RABGAP1L: variants seen among roughly 807,000 people sequenced by gnomAD.
RABGAP1L encodes RAB GTPase activating protein 1 like, also known as rab GTPase-activating protein 1-like.
A neutral mutation model predicts 137.7 loss-of-function variants in RABGAP1L; 63 were observed. That is an observed-to-expected ratio of 0.46 (90% CI 0.37 to 0.56). The LOEUF (loss-of-function observed/expected upper bound fraction) is 0.56. Ranked by LOEUF, RABGAP1L falls within the 20% of genes least tolerant of loss-of-function variation. RABGAP1L has a pLI of 0.00. For synonymous variants in RABGAP1L, 431 were observed against 433.7 expected, an observed-to-expected ratio of 0.99 and a Z score of 0.08; for missense variants, 1,095 against 1,244.0, an observed-to-expected ratio of 0.88 and a Z score of 1.80.
At chr1:174,881,757 C>A (rs1232666910) in intron 19 of RABGAP1L, among the ~76,000 whole-genome samples, 1 of 151,996 alleles carries the variant, frequency 6.6e-6, no homozygotes, top group African/African-American at 2.4e-5. Flanking sequence ...GCCTCAGCCC[C>A]CCAAAGTGCT....
chr1:174,241,988 A>G (rs1671869072), intron 5 of RABGAP1L, among the ~76,000 whole-genome samples: 1 of 152,192 alleles, frequency 6.6e-6, no homozygotes, highest in Non-Finnish European at 1.5e-5. Context: ...AGATTGGTCC[A>G]TGTGATTTTA....
At chr1:174,969,924 G>A (rs1475565997) in intron 21 of RABGAP1L, among the ~76,000 whole-genome samples, 1 of 152,130 alleles carries the variant, frequency 6.6e-6, no homozygotes, top group African/African-American at 2.4e-5. Flanking sequence ...GGTATAAAAA[G>A]GTGTCTATCT....
Position 174,230,613 on chromosome 1 carries a change from C to CTG in RABGAP1L, c.332-529_332-528dup, listed in dbSNP as rs1286098520. On this transcript the variant is annotated intron_variant, in intron 3 of 25. Transcript: ENST00000681986. ...CACACGGAAATTCCTTGTGAGTAAT[C>CTG]TGTGAGGGAAGCCATCTGGGGAGAT... is the stretch of plus-strand genomic sequence containing the variant. Among the ~76,000 whole-genome samples the CTG allele has an allele frequency of 4.6e-5, 7 of 152,206 alleles. No homozygotes were observed. In the East Asian group the frequency reaches 1.4e-3, roughly 29 times the overall value.
chr1:174,175,982 C>T (rs1269077896), intron 1 of RABGAP1L, among the ~76,000 whole-genome samples: 1 of 152,076 alleles, frequency 6.6e-6, no homozygotes, highest in African/African-American at 2.4e-5. Context: ...GAGAAGACAG[C>T]ATTGTTTTAG....
At position 174,252,555 on chromosome 1, in the gene RABGAP1L, G is replaced by C. The variant is rs1672797176; in HGVS notation, c.951G>C (p.Val317=). ...TAGAGAAGAAGGTTGTGATTACAGTGCAGCAACTTTCTAACAAAGAATTAG... is the reference window on the plus strand; with the variant it reads ...TAGAGAAGAAGGTTGTGATTACAGTCCAGCAACTTTCTAACAAAGAATTAG... The part of the protein sequence containing the change: ...QGIEKKVVIT[V]QQLSNKELAI... Residue 317 remains valine, a synonymous_variant, in exon 7 of 26, where the codon GTG becomes GTC. Transcript: ENST00000681986. The C allele has an allele frequency of 1.2e-6, 2 of 1,610,028 alleles. No homozygotes were observed. Among genetic ancestry groups the C allele is most frequent in the Non-Finnish European group, 1.7e-6 (2 of 1,178,856 alleles).
chr1:174,260,735 A>G (rs1180462927), intron 7 of RABGAP1L, among the ~76,000 whole-genome samples: 1 of 152,206 alleles, frequency 6.6e-6, no homozygotes, highest in African/African-American at 2.4e-5. Context: ...AAGCCTTGAT[A>G]GTGTTTAAAA....
intron 13 of RABGAP1L, among the ~76,000 whole-genome samples, chr1:174,451,117 T>C (rs1655389341): frequency 6.6e-6 from 1 of 152,226 alleles, no homozygotes. Flanking sequence ...TGTTTTATAC[T>C]TCTGTAGCTT....
chr1:174,859,527 C>G (rs2149015193), intron 19 of RABGAP1L, among the ~76,000 whole-genome samples: 1 of 148,074 alleles, frequency 6.8e-6, no homozygotes, highest in South Asian at 2.2e-4. Context: ...GAATGCTATA[C>G]AGCCATAAAA....
intron 18 of RABGAP1L, among the ~76,000 whole-genome samples, chr1:174,774,738 G>A (rs941459761): frequency 6.6e-6 from 1 of 151,988 alleles, no homozygotes; most frequent in Non-Finnish European, 1.5e-5. Context: ...AAATTAGCCA[G>A]GCACGATGGC....
chr1:174,680,862 G>A (rs868358253), intron 14 of RABGAP1L, among the ~76,000 whole-genome samples: 1 of 152,092 alleles, frequency 6.6e-6, no homozygotes, highest in Non-Finnish European at 1.5e-5. Context: ...ACACCAGCCT[G>A]GGTGTCAGAG....
Position 174,250,640 on chromosome 1 carries a change from A to G in RABGAP1L, c.875+8A>G. On this transcript the variant is annotated splice_region_variant and intron_variant, in intron 6 of 25. Transcript: ENST00000681986. ...TGGAAAAGGAAACTTTAGGTGAGGCATTTGGAAAGATTAAAAATTCGCATT... is the reference window on the plus strand; with the variant it reads ...TGGAAAAGGAAACTTTAGGTGAGGCGTTTGGAAAGATTAAAAATTCGCATT... 6.2e-7 allele frequency: 1 copy of G among 1,609,266 alleles called. No individual in the cohort carries two copies. Among genetic ancestry groups the G allele is most frequent in the East Asian group, 2.2e-5 (1 of 44,824 alleles).
chr1:174,527,765 CTG>C (rs1184842441), intron 13 of RABGAP1L, among the ~76,000 whole-genome samples: 2 of 152,112 alleles, frequency 1.3e-5, no homozygotes, highest in Non-Finnish European at 2.9e-5. Flanking sequence ...GTTGGAGCCT[CTG>C]TCTCCTTAGG....
chr1:174,701,614 G>A (rs1190171044), intron 16 of RABGAP1L, among the ~76,000 whole-genome samples: 1 of 151,940 alleles, frequency 6.6e-6, no homozygotes. Context: ...CTGGTGGAGG[G>A]TGCCTATAAT....
intron 18 of RABGAP1L, among the ~76,000 whole-genome samples, chr1:174,783,853 C>G (rs1469558866): frequency 6.6e-6 from 1 of 150,544 alleles, no homozygotes; most frequent in African/African-American, 2.4e-5. Flanking sequence ...GGACTACAGG[C>G]GCATGCCACC....
chr1:174,608,682 T>C (rs1274365403), intron 13 of RABGAP1L, among the ~76,000 whole-genome samples: 1 of 152,134 alleles, frequency 6.6e-6, no homozygotes, highest in Non-Finnish European at 1.5e-5. Flanking sequence ...GAATAAGTCC[T>C]TTTTTTCTAT....
chr1:174,804,506 TG>T (rs1689080410), intron 18 of RABGAP1L, among the ~76,000 whole-genome samples: 2 of 152,126 alleles, frequency 1.3e-5, no homozygotes, highest in African/African-American at 4.8e-5. Flanking sequence ...GTTCTTCACC[TG>T]GGAAATTCTT....
intron 19 of RABGAP1L, among the ~76,000 whole-genome samples, chr1:174,866,960 C>T (rs543519973): frequency 1.8e-4 from 28 of 151,520 alleles, no homozygotes; most frequent in South Asian, 4.2e-4. Context: ...GGAGTGGTGG[C>T]GCTTGTAGTC....
intron 19 of RABGAP1L, among the ~76,000 whole-genome samples, chr1:174,856,543 A>G (rs986889383): frequency 6.6e-6 from 1 of 152,186 alleles, no homozygotes; most frequent in African/African-American, 2.4e-5. Flanking sequence ...TTTAAAATAC[A>G]ACTAAAACTG....
intron 1 of RABGAP1L, among the ~76,000 whole-genome samples, chr1:174,169,876 G>A (rs12082461): frequency 0.29 from 44,749 of 151,750 alleles, 7,009 homozygotes; most frequent in African/African-American, 0.37. Flanking sequence ...TTAAATGGGA[G>A]TCTCCCTATG....
Sources: gnomAD v4.1 joint callset for allele counts (sites outside exome capture counted in the v4.1 genomes callset) on GRCh38, gnomAD v4.1.1 for gene constraint, MANE v1.5 for transcripts, NCBI Gene and HGNC (gene_info 2026-07-23, HGNC 2026-07-21) for gene names.